Variants in ZPBP observed in about 807,000 individuals in gnomAD.
The protein encoded by ZPBP is zona pellucida-binding protein 1.
In ZPBP, 26 loss-of-function variants were observed where a neutral mutation model predicts 44.8. That is an observed-to-expected ratio of 0.58 (90% confidence interval 0.43 to 0.81). The LOEUF is 0.81. Ranked by LOEUF, ZPBP falls within the 30% of genes least tolerant of loss-of-function variation. The probability of loss-of-function intolerance (pLI) is 0.00; values close to 1 mark genes in which losing one functional copy is unlikely to be tolerated. For synonymous variants in ZPBP, 174 were observed against 153.2 expected, an observed-to-expected ratio of 1.14 and a Z score of -1.00; for missense variants, 409 against 434.0, an observed-to-expected ratio of 0.94 and a Z score of 0.51.
At chr7:49,947,489 A>C (rs968138538) in intron 7 of ZPBP, among the ~76,000 whole-genome samples, 10 of 152,184 alleles carry the variant, frequency 6.6e-5, no homozygotes, top group Non-Finnish European at 1.3e-4. Flanking sequence ...GGTTTTGGGT[A>C]AGATTCAGAA....
intron 4 of ZPBP, among the ~76,000 whole-genome samples, chr7:50,037,587 G>A (rs1799879615): frequency 6.6e-6 from 1 of 152,214 alleles, no homozygotes; most frequent in Middle Eastern, 3.4e-3. Context: ...CAGACAACCA[G>A]ATCTCATGAG....
intron 7 of ZPBP, among the ~76,000 whole-genome samples, chr7:49,979,960 T>C (rs1345743522): frequency 1.8e-5 from 2 of 111,154 alleles, no homozygotes; most frequent in African/African-American, 7.0e-5. Flanking sequence ...TATTAATATA[T>C]TTATATTATA....
intron 2 of ZPBP, among the ~76,000 whole-genome samples, chr7:49,899,900 C>CTA (rs1351230687): frequency 6.6e-6 from 1 of 151,840 alleles, no homozygotes; most frequent in East Asian, 1.9e-4. Flanking sequence ...GGAACCCTTA[C>CTA]TAAGATAGAC....
At chr7:50,038,436 TA>T in intron 4 of ZPBP, among the ~76,000 whole-genome samples, 1 of 152,198 alleles carries the variant, frequency 6.6e-6, no homozygotes, top group East Asian at 1.9e-4. Flanking sequence ...AACACTGATC[TA>T]AAGAACTAAT....
rs181015608 is a variant in ZPBP, at chr7:49,874,310, T to A, written n.510-23796A>T. ...TCTACCTTTTCTATGGTTAGATATG[T>A]TTAGATACACAAATCTTTACCATTG... is the stretch of plus-strand genomic sequence containing the variant. On this transcript the variant is annotated intron_variant and non_coding_transcript_variant, in intron 2 of 2. Coordinates refer to the ZPBP transcript ENST00000465922. 3.9e-5 allele frequency among the ~76,000 whole-genome samples: 6 copies of A among 152,342 alleles called. No homozygotes were observed. The East Asian group carries it at 1.2e-3, about 29-fold the overall frequency.
downstream of ZPBP, among the ~76,000 whole-genome samples, chr7:49,935,316 C>T (rs1794583692): frequency 6.6e-6 from 1 of 152,012 alleles, no homozygotes; most frequent in Non-Finnish European, 1.5e-5. Flanking sequence ...GAACATTTTA[C>T]TATGAGACCC....
intron 5 of ZPBP, among the ~76,000 whole-genome samples, chr7:50,020,497 T>C (rs1432040844): frequency 6.6e-6 from 1 of 152,050 alleles, no homozygotes; most frequent in Non-Finnish European, 1.5e-5. Flanking sequence ...AGACATTATA[T>C]CCATCCCCAC....
rs1442163543 is a variant in ZPBP at position 50,093,107 on chromosome 7, G to A, written c.88C>T (p.Leu30Phe). Residue 30 changes from leucine to phenylalanine, a missense_variant, in exon 1 of 8, where the codon CTC becomes TTC. By Grantham distance (22) the Leu-to-Phe change is conservative. This residue lies in a region of ZPBP where 367 missense variants were observed against 363.1 expected (regional missense o/e 1.01). Transcript: ENST00000046087. ...GSLLSRAAIL[L>F]FISAFLVRVP... ...CGCACCAGGAAGGCGGAGATAAAGA[G>A]GAGGATGGCGGCCCGAGAGAGCAGG... 6.3e-6 allele frequency: 10 copies of A among 1,593,686 alleles called. No individual in the cohort carries two copies. In the Admixed American group the frequency reaches 1.2e-4, roughly 19 times the overall value.
intron 3 of ZPBP, among the ~76,000 whole-genome samples, chr7:50,062,663 T>C (rs561336625): frequency 6.6e-6 from 1 of 152,164 alleles, no homozygotes; most frequent in Admixed American, 6.5e-5. Context: ...CTACCATATA[T>C]AAAAAATCAA....
chr7:50,008,808 T>C (rs780031107), intron 6 of ZPBP, among the ~76,000 whole-genome samples: 38 of 152,080 alleles, frequency 2.5e-4, no homozygotes, highest in Non-Finnish European at 4.4e-4. Context: ...AAGGAAAAGA[T>C]GTCCACCCTC....
intron 7 of ZPBP, among the ~76,000 whole-genome samples, chr7:49,966,552 C>A (rs1338212700): frequency 6.6e-6 from 1 of 151,992 alleles, no homozygotes. Flanking sequence ...GGAAATCCCC[C>A]AAAAATCTGG....
At chr7:50,071,039 A>G (rs1362510769) in intron 3 of ZPBP, among the ~76,000 whole-genome samples, 1 of 152,168 alleles carries the variant, frequency 6.6e-6, no homozygotes, top group East Asian at 1.9e-4. Context: ...TAAGTTTCTG[A>G]TTACAAATTT....
downstream of ZPBP, among the ~76,000 whole-genome samples, chr7:49,935,421 C>T (rs1443901105): frequency 2.6e-5 from 4 of 151,894 alleles, no homozygotes; most frequent in South Asian, 2.1e-4. Context: ...TTTTTTGAGA[C>T]GGAGTTTCAC....
chr7:49,924,985 T>TGCAC (rs549875803), intron 1 of ZPBP, among the ~76,000 whole-genome samples: 115 of 152,342 alleles, frequency 7.5e-4, no homozygotes, highest in African/African-American at 2.6e-3. Flanking sequence ...TCTAGCTATG[T>TGCAC]GCACCCTCCT....
At chr7:50,020,818 G>A (rs539832783) in intron 5 of ZPBP, among the ~76,000 whole-genome samples, 3 of 152,154 alleles carry the variant, frequency 2.0e-5, no homozygotes, top group African/African-American at 4.8e-5. Context: ...CAACAACCAA[G>A]TGAATGCTAA....
chr7:50,053,646 G>C (rs994164410), intron 4 of ZPBP, among the ~76,000 whole-genome samples: 3 of 152,156 alleles, frequency 2.0e-5, no homozygotes, highest in Non-Finnish European at 4.4e-5. Flanking sequence ...TGCCTAGAAA[G>C]CTTGTATAAC....
intron 3 of ZPBP, 79 bp downstream of exon 3, chr7:50,081,695 T>G: frequency 1.1e-3 from 1,641 of 1,484,570 alleles, no homozygotes; most frequent in Non-Finnish European, 1.3e-3. Context: ...TAAATATGTA[T>G]GAGATACAAA....
At chr7:50,074,269 A>G (rs906340786) in intron 3 of ZPBP, among the ~76,000 whole-genome samples, 4 of 152,048 alleles carry the variant, frequency 2.6e-5, no homozygotes, top group African/African-American at 7.2e-5. Flanking sequence ...CCTAAAACCG[A>G]AAAGCATACA....
At chr7:49,990,452 TTCAC>T (rs1191823341) in intron 6 of ZPBP, among the ~76,000 whole-genome samples, 1 of 152,170 alleles carries the variant, frequency 6.6e-6, no homozygotes, top group African/African-American at 2.4e-5. Flanking sequence ...ACCCTGGATA[TTCAC>T]TAGGAAGAGA....
Sources: allele counts gnomAD v4.1 joint callset (sites outside exome capture counted in the v4.1 genomes callset), GRCh38; gene constraint gnomAD v4.1.1; regional missense constraint gnomAD v4.1.1; transcripts MANE v1.5; gene names NCBI Gene and HGNC (gene_info 2026-07-23, HGNC 2026-07-21).